MKLN1: variants seen among roughly 807,000 people sequenced by gnomAD.
MKLN1 encodes muskelin.
MKLN1 carries 18 observed loss-of-function variants against 99.0 expected under a neutral mutation model. The ratio of observed to expected loss-of-function variants is 0.18; its 90% CI spans 0.13 to 0.27. MKLN1 has a LOEUF of 0.27. MKLN1 is among the 10% of genes least tolerant of loss of function. The pLI, the probability that MKLN1 is intolerant of heterozygous loss-of-function variation, is 1.00. For synonymous variants in MKLN1, 288 were observed against 293.2 expected, an observed-to-expected ratio of 0.98 and a Z score of 0.18; for missense variants, 621 against 875.9, an observed-to-expected ratio of 0.71 and a Z score of 3.67.
At chr7:131,461,807 T>C (rs1796521605) in intron 12 of MKLN1, among the ~76,000 whole-genome samples, 1 of 152,216 alleles carries the variant, frequency 6.6e-6, no homozygotes, top group Admixed American at 6.5e-5. Flanking sequence ...AGTAGCTGAG[T>C]TCATAATATG....
chr7:131,471,258 T>G, intron 16 of MKLN1: 1 of 208,386 alleles, frequency 4.8e-6, no homozygotes, highest in Non-Finnish European at 9.4e-6. Context: ...ATTATTTTAC[T>G]TAAGGATTAC....
intron 3 of MKLN1, among the ~76,000 whole-genome samples, chr7:131,312,158 G>A (rs1253746469): frequency 6.6e-6 from 1 of 152,042 alleles, no homozygotes; most frequent in Non-Finnish European, 1.5e-5. Context: ...AAGTAGCTGG[G>A]ATTACAGGCA....
intron 3 of MKLN1, among the ~76,000 whole-genome samples, chr7:131,224,969 A>T (rs530861430): frequency 6.6e-6 from 1 of 151,732 alleles, no homozygotes; most frequent in Admixed American, 6.6e-5. Context: ...GCTACTCGGG[A>T]GGCTGAGGCA....
intron 1 of MKLN1, among the ~76,000 whole-genome samples, chr7:131,337,223 G>A (rs1799273849): frequency 6.6e-6 from 1 of 152,052 alleles, no homozygotes; most frequent in South Asian, 2.1e-4. Flanking sequence ...CCTGTTTGGC[G>A]TTTCTGGCAC....
At chr7:131,241,459 C>A (rs943198557) in intron 3 of MKLN1, among the ~76,000 whole-genome samples, 1 of 151,274 alleles carries the variant, frequency 6.6e-6, no homozygotes, top group African/African-American at 2.4e-5. Flanking sequence ...GTAATTCCAG[C>A]ACTTTGGGAG....
chr7:131,261,403 G>A lies in MKLN1; in HGVS notation c.-179+58429G>A, dbSNP rs193071172. 5.7e-3 allele frequency among the ~76,000 whole-genome samples: 868 copies of A among 151,998 alleles called. 6 individuals are homozygous for A. The highest frequency in any genetic ancestry group is 8.5e-3 in the Non-Finnish European group (581 of 68,012). ...ATAAGCATATGAAAAAATGCTCAGC[G>A]TCACTAACTATTAGAGAAACGCAAA... is the stretch of plus-strand genomic sequence containing the variant. On this transcript the variant is annotated intron_variant, in intron 3 of 7. Coordinates refer to the MKLN1 transcript ENST00000416992.
upstream of MKLN1, chr7:131,323,517 C>T (rs1467407759): frequency 6.6e-6 from 1 of 152,106 alleles, no homozygotes; most frequent in Non-Finnish European, 1.5e-5. Context: ...TCAAAAGATC[C>T]CCATTTTTGG....
At chr7:131,283,648 T>C (rs1480666783) in intron 3 of MKLN1, among the ~76,000 whole-genome samples, 1 of 152,058 alleles carries the variant, frequency 6.6e-6, no homozygotes, top group Non-Finnish European at 1.5e-5. Context: ...TTGCTCAGGC[T>C]GGTCTAGAAC....
At chr7:131,132,925 C>CAAAAA (rs1200356947) in intron 1 of MKLN1, among the ~76,000 whole-genome samples, 2 of 87,116 alleles carry the variant, frequency 2.3e-5, no homozygotes, top group African/African-American at 9.3e-5. Context: ...GACTCTGTCT[C>CAAAAA]AAAAAAAAAA....
intron 3 of MKLN1, among the ~76,000 whole-genome samples, chr7:131,226,810 T>G (rs1797154920): frequency 6.6e-6 from 1 of 152,178 alleles, no homozygotes; most frequent in African/African-American, 2.4e-5. Flanking sequence ...GGGGTTTTTT[T>G]TGTTTTGTTG....
intron 3 of MKLN1, among the ~76,000 whole-genome samples, chr7:131,274,098 G>A (rs751184615): frequency 6.6e-6 from 1 of 152,136 alleles, no homozygotes; most frequent in Non-Finnish European, 1.5e-5. Flanking sequence ...AGAGAAACAT[G>A]ACATGTCCTC....
At chr7:131,461,740 G>A (rs1011556641) in intron 12 of MKLN1, among the ~76,000 whole-genome samples, 6 of 151,872 alleles carry the variant, frequency 4.0e-5, no homozygotes, top group Admixed American at 3.9e-4. Flanking sequence ...ATTGTTCATG[G>A]GTAAAAGAAA....
At chr7:131,448,959 A>AG (rs2116537071) in intron 12 of MKLN1, among the ~76,000 whole-genome samples, 2 of 152,308 alleles carry the variant, frequency 1.3e-5, no homozygotes, top group African/African-American at 4.8e-5. Context: ...ATGGACCTGG[A>AG]GGATAAGATC....
At chr7:131,165,982 G>T (rs1367165867) in intron 2 of MKLN1, among the ~76,000 whole-genome samples, 1 of 152,176 alleles carries the variant, frequency 6.6e-6, no homozygotes, top group Non-Finnish European at 1.5e-5. Flanking sequence ...GAGAGTGGCA[G>T]TGTGCACCTG....
chr7:131,414,746 T>C (rs759520723), intron 8 of MKLN1, 36 bp downstream of exon 8: 11 of 1,300,470 alleles, frequency 8.5e-6, no homozygotes, highest in Middle Eastern at 2.1e-4. Context: ...AAAATCTTCA[T>C]TGGCTACAGG....
At chr7:131,390,417 T>C (rs1437797207) in intron 4 of MKLN1, among the ~76,000 whole-genome samples, 2 of 152,166 alleles carry the variant, frequency 1.3e-5, no homozygotes, top group East Asian at 3.8e-4. Flanking sequence ...AATTTTATGA[T>C]TTTATGTTGC....
At chr7:131,415,495 AT>A (rs1794992556) in intron 8 of MKLN1, among the ~76,000 whole-genome samples, 1 of 152,124 alleles carries the variant, frequency 6.6e-6, no homozygotes, top group Admixed American at 6.5e-5. Context: ...ACATGAATTT[AT>A]TTTCATAATT....
chr7:131,148,578 C>T (rs1795846599), intron 2 of MKLN1, among the ~76,000 whole-genome samples: 1 of 152,022 alleles, frequency 6.6e-6, no homozygotes, highest in Non-Finnish European at 1.5e-5. Context: ...GGTTTGAGAC[C>T]AGCCTGGGCA....
chr7:131,236,605 A>G (rs1424396721), intron 3 of MKLN1, among the ~76,000 whole-genome samples: 1 of 151,946 alleles, frequency 6.6e-6, no homozygotes, highest in Non-Finnish European at 1.5e-5. Flanking sequence ...AGGTTGCAGT[A>G]AGCTGAGATT....
Sources: allele counts gnomAD v4.1 joint callset (sites outside exome capture counted in the v4.1 genomes callset), GRCh38; gene constraint gnomAD v4.1.1; transcripts MANE v1.5; gene names NCBI Gene and HGNC (gene_info 2026-07-23, HGNC 2026-07-21).